Variants in KLC2 observed in about 807,000 individuals in gnomAD.
The protein encoded by KLC2 is KLC 2.
Under a neutral mutation model 75.1 loss-of-function variants are expected in KLC2, and 35 were observed. The observed-to-expected ratio is 0.47, with a 90% confidence interval of 0.36 to 0.62. The LOEUF (loss-of-function observed/expected upper bound fraction) is 0.62, where lower values mean the gene tolerates loss of function less well. KLC2 is among the 20% of genes least tolerant of loss of function. The pLI is 0.00. For synonymous variants in KLC2, 314 were observed against 336.7 expected (o/e 0.93, Z 0.74); for missense variants, 611 against 833.2 (o/e 0.73, Z 3.28).
upstream of KLC2, among the ~76,000 whole-genome samples, chr11:66,254,878 T>C (rs892541530): frequency 2.6e-5 from 4 of 151,628 alleles, no homozygotes; most frequent in African/African-American, 7.3e-5. Context: ...TGAGCCAAGA[T>C]TGCACCACTG....
At chr11:66,244,679 T>C in the KLC2 span, 1 of 152,146 alleles carries the variant, frequency 6.6e-6, no homozygotes, top group South Asian at 2.1e-4. Flanking sequence ...AGAGAGGAGA[T>C]GGGGGTGGGA....
At chr11:66,262,046 C>G in intron 3 of KLC2, 74 bp downstream of exon 3, 1 of 1,577,076 alleles carries the variant, frequency 6.3e-7, no homozygotes, top group Non-Finnish European at 8.7e-7. Context: ...GGAGCAGATT[C>G]GGCTCCACCC....
At position 66,267,144 on chromosome 11, in the gene KLC2, G is replaced by C. The variant is rs1348901274; in HGVS notation, c.*188G>C. 1 of 1,539,840 alleles carries C rather than the reference G, an allele frequency of 6.5e-7. No homozygotes were observed. On this transcript the variant is annotated 3_prime_UTR_variant, in exon 16 of 16. Coordinates refer to ENST00000394067, the MANE Select transcript of KLC2 (RefSeq NM_001318734.2). ...CTGGAGGCTGGGCCTGCCCACTCCA[G>C]CTCCATCCCTTATTTATTCCTTCCA...
chr11:66,245,412 C>A, the KLC2 span, among the ~76,000 whole-genome samples: 29 of 152,268 alleles, frequency 1.9e-4, no homozygotes, highest in African/African-American at 6.5e-4. Flanking sequence ...GAAACCCCGT[C>A]TCTACTAAAA....
upstream of KLC2, among the ~76,000 whole-genome samples, chr11:66,253,550 C>G (rs57097787): frequency 7.7e-3 from 1,171 of 152,306 alleles, 15 homozygotes; most frequent in African/African-American, 0.026. Context: ...TGAATCACCA[C>G]TGGGCATGGA....
At position 66,266,503 on chromosome 11, in the gene KLC2, G is replaced by A. The variant is rs373001682; in HGVS notation, c.1785+13G>A. 63 of 1,613,780 alleles carry A rather than the reference G, an allele frequency of 3.9e-5. No homozygotes were observed. The African/African-American group carries it at 6.0e-4, about 15-fold the overall frequency. Reference sequence around the variant, plus strand: ...AGAGCCGACCCAGGTAGGGGCAGGCGGGTGTCTGGGCACTGGGCAGCTGCG... The same window carrying A: ...AGAGCCGACCCAGGTAGGGGCAGGCAGGTGTCTGGGCACTGGGCAGCTGCG... On this transcript the variant is annotated intron_variant, in intron 15 of 15. Coordinates refer to ENST00000394067, the MANE Select transcript of KLC2 (RefSeq NM_001318734.2).
chr11:66,262,602 C>G, intron 4 of KLC2: 1 of 590,686 alleles, frequency 1.7e-6, no homozygotes, highest in Non-Finnish European at 3.0e-6. Context: ...GCAGCTTGCC[C>G]CAGGACACAG....
chr11:66,265,271 C>T (rs762731115), intron 11 of KLC2, 36 bp downstream of exon 11: 39 of 1,562,002 alleles, frequency 2.5e-5, no homozygotes, highest in African/African-American at 6.8e-5. Context: ...GAGCAGGGCA[C>T]GGCAGGGCGG....
At chr11:66,266,329 C>G (rs1379397697) in intron 14 of KLC2, 104 bp from the exon 15 acceptor site, 1 of 1,483,936 alleles carries the variant, frequency 6.7e-7, no homozygotes, top group Non-Finnish European at 9.2e-7. Flanking sequence ...CTCTCAGGCT[C>G]CACCACCCAC....
chr11:66,261,778 G>C lies in KLC2; in HGVS notation c.265G>C (p.Glu89Gln). 1 of 1,612,554 alleles carries C rather than the reference G, an allele frequency of 6.2e-7. No homozygotes were observed. Among genetic ancestry groups the C allele is most frequent in the Non-Finnish European group, 8.5e-7 (1 of 1,179,936 alleles). Reference sequence around the variant, plus strand: ...ATTGTCGAGCCACCTGGGGGCTGTAGAATCAGAGAAGCAGAAGCTGCGGGC... The same window carrying C: ...ATTGTCGAGCCACCTGGGGGCTGTACAATCAGAGAAGCAGAAGCTGCGGGC... ...LALSSHLGAV[E>Q]SEKQKLRAQV... Residue 89 changes from glutamate (E) to glutamine (Q), a missense_variant, in exon 3 of 16, where the codon GAA becomes CAA. Glu to Gln is a conservative substitution (Grantham distance 29). Coordinates refer to ENST00000394067, the MANE Select transcript of KLC2 (RefSeq NM_001318734.2).
chr11:66,267,141 C>T lies in KLC2; in HGVS notation c.*185C>T, dbSNP rs143831070. ...GCCCTGGAGGCTGGGCCTGCCCACT[C>T]CAGCTCCATCCCTTATTTATTCCTT... On this transcript the variant is annotated 3_prime_UTR_variant, in exon 16 of 16. Coordinates refer to ENST00000394067, the MANE Select transcript of KLC2 (RefSeq NM_001318734.2). 1.2e-4 allele frequency: 191 copies of T among 1,538,460 alleles called. No individual in the cohort carries two copies. In the African/African-American group the frequency reaches 2.5e-3, roughly 20 times the overall value.
At chr11:66,255,782 T>C (rs995946843), upstream of KLC2, among the ~76,000 whole-genome samples, 32 of 151,548 alleles carry the variant, frequency 2.1e-4, no homozygotes, top group Non-Finnish European at 4.1e-4. Context: ...TTTTTTTTTT[T>C]TGAGACAGAG....
intron 6 of KLC2, 45 bp downstream of exon 6, chr11:66,263,792 T>C (rs750305558): frequency 6.2e-7 from 1 of 1,604,342 alleles, no homozygotes; most frequent in South Asian, 1.1e-5. Flanking sequence ...CCCCATCCCC[T>C]GCAGGTCCCA....
Position 66,267,634 on chromosome 11 carries a change from C to G in KLC2, c.*678C>G, listed in dbSNP as rs377168204. 2.7e-5 allele frequency: 16 copies of G among 593,782 alleles called. No individual in the cohort carries two copies. In the East Asian group the frequency reaches 4.5e-4, roughly 17 times the overall value. The allele number at this position is 593,782 out of a possible 1,614,324, so 36.8% of individuals were successfully genotyped here. On this transcript the variant is annotated 3_prime_UTR_variant, in exon 16 of 16. Coordinates refer to ENST00000394067, the MANE Select transcript of KLC2 (RefSeq NM_001318734.2). ...CACCGCCGGGCCCTGCCCCGCATCC[C>G]GGCCTTATGCACTGCCCCTCCCACC...
At chr11:66,253,532 T>C (rs545153113), upstream of KLC2, among the ~76,000 whole-genome samples, 1 of 152,146 alleles carries the variant, frequency 6.6e-6, no homozygotes, top group Non-Finnish European at 1.5e-5. Context: ...GGAAAGAGCA[T>C]AAGGAGCTGA....
At chr11:66,266,830 GGCA>G (rs780009204) in intron 15 of KLC2, 40 bp from the exon 16 acceptor site, 16 of 1,596,162 alleles carry the variant, frequency 1.0e-5, no homozygotes, top group South Asian at 9.9e-5. Context: ...GGCACAGACT[GGCA>G]GCAGCACAGG....
chr11:66,256,310 G>T (rs548053), upstream of KLC2, among the ~76,000 whole-genome samples: 1 of 152,126 alleles, frequency 6.6e-6, no homozygotes, highest in South Asian at 2.1e-4. Flanking sequence ...ATGATGGGAA[G>T]ATTTTGTGAG....
In KLC2 at chr11:66,258,892, T is replaced by C. The variant is rs1043581669; in HGVS notation, c.228+70T>C. The C allele has an allele frequency of 7.6e-6, 8 of 1,057,930 alleles. No homozygotes were observed. The East Asian group carries it at 2.0e-4, about 26-fold the overall frequency. The allele number at this position is 1,057,930 out of a possible 1,614,324, so 65.5% of individuals were successfully genotyped here. ...CGAGCCTTCAAGAGGAATCCGGTAA[T>C]GTAGGAGAAGAATCTGAGCAGGGAA... On this transcript the variant is annotated intron_variant, in intron 2 of 15. Transcript: ENST00000394067.
In KLC2 at chr11:66,267,855, A is replaced by C; in HGVS notation, c.*899A>C. ...TGCTGTAGAAATAAAGACGGTTTAA[A>C]TCTGAGCTGGGCTTGTTTTGAGACG... On this transcript the variant is annotated 3_prime_UTR_variant, in exon 16 of 16. Coordinates refer to ENST00000394067, the MANE Select transcript of KLC2 (RefSeq NM_001318734.2). The C allele has an allele frequency of 2.4e-6, 1 of 421,806 alleles. No individual in the cohort carries two copies. Among genetic ancestry groups the C allele is most frequent in the Non-Finnish European group, 4.2e-6 (1 of 240,082 alleles). 26.1% of individuals were successfully genotyped at this position (421,806 alleles called of 1,614,324 possible).
Sources: gnomAD v4.1 joint callset for allele counts (sites outside exome capture counted in the v4.1 genomes callset) on GRCh38, gnomAD v4.1.1 for gene constraint, MANE v1.5 for transcripts, NCBI Gene and HGNC (gene_info 2026-07-23, HGNC 2026-07-21) for gene names.